The following PCCA variants were observed in gnomAD, a reference collection of about 807,000 sequenced individuals.
The protein encoded by PCCA is propionyl-CoA carboxylase subunit alpha, also known as propionyl-CoA carboxylase alpha chain, mitochondrial.
A neutral mutation model predicts 101.3 loss-of-function variants in PCCA; 74 were observed. The ratio of observed to expected loss-of-function variants is 0.73; its 90% CI spans 0.61 to 0.89. The LOEUF (loss-of-function observed/expected upper bound fraction) is 0.89, where lower values mean the gene tolerates loss of function less well. Among genes scored for constraint, PCCA ranks in the 40% least tolerant of loss-of-function variants. PCCA has a pLI of 0.00. For synonymous variants in PCCA, 294 were observed against 313.6 expected (o/e 0.94, Z 0.66); for missense variants, 891 against 907.0 (o/e 0.98, Z 0.23).
intron 19 of PCCA, among the ~76,000 whole-genome samples, chr13:100,411,749 G>A (rs960222003): frequency 5.9e-5 from 9 of 152,304 alleles, no homozygotes; most frequent in Admixed American, 2.6e-4. Flanking sequence ...ATTCATGGCT[G>A]AGAGCAGAGG....
chr13:100,329,447 A>G (rs185772265), intron 16 of PCCA, among the ~76,000 whole-genome samples: 4 of 152,242 alleles, frequency 2.6e-5, no homozygotes, highest in African/African-American at 7.2e-5. Context: ...TCAGAAGTTG[A>G]TAACAACCAA....
intron 18 of PCCA, among the ~76,000 whole-genome samples, chr13:100,341,971 A>G (rs2071402363): frequency 9.0e-6 from 1 of 111,692 alleles, no homozygotes; most frequent in Admixed American, 9.1e-5. Flanking sequence ...ATATATATAT[A>G]TATATATATA....
In PCCA at chr13:100,446,230, G is replaced by A. The variant is rs578078464; in HGVS notation, c.1846-3022G>A. On this transcript the variant is annotated intron_variant, in intron 20 of 23. Transcript: ENST00000376285. ...TTTTTATATTTTTAGTAGAGCCACCGTGTTGGGCAGGCTGGTCTCAAACTC... is the reference window on the plus strand; with the variant it reads ...TTTTTATATTTTTAGTAGAGCCACCATGTTGGGCAGGCTGGTCTCAAACTC... Among the ~76,000 whole-genome samples the A allele has an allele frequency of 2.3e-3, 347 of 152,056 alleles. 3 individuals carry two copies. The highest frequency in any genetic ancestry group is 8.0e-3 in the African/African-American group (331 of 41,498).
chr13:100,139,572 C>G (rs1424065172), intron 4 of PCCA, among the ~76,000 whole-genome samples: 1 of 151,582 alleles, frequency 6.6e-6, no homozygotes, highest in South Asian at 2.1e-4. Context: ...TAAAATTTTC[C>G]ATTGGTTTCT....
chr13:100,466,618 A>G (rs567466440), intron 21 of PCCA, among the ~76,000 whole-genome samples: 9 of 152,256 alleles, frequency 5.9e-5, no homozygotes, highest in East Asian at 1.9e-4. Flanking sequence ...GAATTAGTGG[A>G]TAGGTTCTAA....
intron 6 of PCCA, among the ~76,000 whole-genome samples, chr13:100,178,123 T>C (rs192112305): frequency 6.6e-6 from 1 of 152,340 alleles, no homozygotes. Flanking sequence ...TTTTATGTAG[T>C]CGTGTACTTT....
At chr13:100,169,184 G>A (rs1329018473) in intron 6 of PCCA, among the ~76,000 whole-genome samples, 2 of 152,100 alleles carry the variant, frequency 1.3e-5, no homozygotes, top group Non-Finnish European at 2.9e-5. Context: ...GCTCACGCTT[G>A]TAATCCCAGC....
At chr13:100,201,244 C>T (rs1201328988) in intron 6 of PCCA, among the ~76,000 whole-genome samples, 3 of 152,102 alleles carry the variant, frequency 2.0e-5, no homozygotes, top group African/African-American at 7.2e-5. Flanking sequence ...ACAAGTAAAT[C>T]CCGACTCTTT....
intron 8 of PCCA, among the ~76,000 whole-genome samples, chr13:100,247,680 A>AT (rs2061524809): frequency 2.7e-5 from 4 of 150,722 alleles, no homozygotes; most frequent in South Asian, 4.2e-4. Context: ...CACCTGGCTA[A>AT]TTTTTTTGTA....
At position 100,295,524 on chromosome 13, in the gene PCCA, CA is replaced by C; in HGVS notation, c.1066-5930del. 2.0e-5 allele frequency among the ~76,000 whole-genome samples: 3 copies of C among 152,278 alleles called. 1 individual carries two copies. The South Asian group carries it at 6.2e-4, about 32-fold the overall frequency. On this transcript the variant is annotated intron_variant, in intron 12 of 23. Transcript: ENST00000376285. ...ATTTAAAAGAACATTATTTTGATAA[CA>C]AAAAATTTCAGCATTCTCTCACCAC...
At chr13:100,169,305 G>T (rs2055374350) in intron 6 of PCCA, among the ~76,000 whole-genome samples, 1 of 151,782 alleles carries the variant, frequency 6.6e-6, no homozygotes, top group Non-Finnish European at 1.5e-5. Context: ...AGCCAGGTTG[G>T]TGGCGGGTGC....
intron 20 of PCCA, among the ~76,000 whole-genome samples, chr13:100,430,000 G>A (rs2079424265): frequency 6.6e-6 from 1 of 152,066 alleles, no homozygotes; most frequent in Non-Finnish European, 1.5e-5. Context: ...AAACAGGCTG[G>A]TCACTGTGGC....
intron 12 of PCCA, among the ~76,000 whole-genome samples, chr13:100,300,232 A>C (rs1182729633): frequency 6.6e-6 from 1 of 152,220 alleles, no homozygotes; most frequent in Non-Finnish European, 1.5e-5. Flanking sequence ...TGCTTATTTT[A>C]GTGATGATTT....
intron 16 of PCCA, among the ~76,000 whole-genome samples, chr13:100,319,883 G>C (rs749865219): frequency 2.4e-4 from 36 of 152,300 alleles, no homozygotes; most frequent in Non-Finnish European, 4.0e-4. Flanking sequence ...TTGGTAGCTT[G>C]ATGGGGATGG....
chr13:100,414,742 A>G (rs1341698730), intron 19 of PCCA, among the ~76,000 whole-genome samples: 1 of 152,224 alleles, frequency 6.6e-6, no homozygotes, highest in Non-Finnish European at 1.5e-5. Flanking sequence ...CATAGCATAC[A>G]AAGTTCTTTG....
intron 22 of PCCA, among the ~76,000 whole-genome samples, chr13:100,525,026 T>C (rs75838426): frequency 0.024 from 3,435 of 142,608 alleles, 140 homozygotes; most frequent in African/African-American, 0.083. Flanking sequence ...GATAGATAGA[T>C]AGACAGACAG....
At chr13:100,486,597 A>AG (rs2084393261) in intron 21 of PCCA, among the ~76,000 whole-genome samples, 1 of 152,218 alleles carries the variant, frequency 6.6e-6, no homozygotes, top group Admixed American at 6.5e-5. Context: ...TGGCCCGTGT[A>AG]GGATATTGCT....
At chr13:100,101,092 C>T (rs532149140) in intron 1 of PCCA, among the ~76,000 whole-genome samples, 13 of 152,186 alleles carry the variant, frequency 8.5e-5, no homozygotes, top group African/African-American at 3.1e-4. Flanking sequence ...CATGAGCCAC[C>T]GTGCCCGGCC....
intron 7 of PCCA, among the ~76,000 whole-genome samples, chr13:100,226,527 G>A (rs939736999): frequency 2.0e-5 from 3 of 152,140 alleles, no homozygotes; most frequent in African/African-American, 4.8e-5. Context: ...AGAATGATTC[G>A]AATGTGCCTG....
Sources: gnomAD v4.1 joint callset for allele counts (sites outside exome capture counted in the v4.1 genomes callset) on GRCh38, gnomAD v4.1.1 for gene constraint, MANE v1.5 for transcripts, NCBI Gene and HGNC (gene_info 2026-07-23, HGNC 2026-07-21) for gene names.